SLC27A2: variants seen among roughly 807,000 people sequenced by gnomAD.
The protein encoded by SLC27A2 is solute carrier family 27 member 2, also known as long-chain fatty acid transport protein 2.
A neutral mutation model predicts 60.0 loss-of-function variants in SLC27A2; 54 were observed. The ratio of observed to expected loss-of-function variants is 0.90; its 90% CI spans 0.72 to 1.13. The LOEUF is 1.13. Ranked by LOEUF, SLC27A2 falls within the 50% of genes most tolerant of loss-of-function variation. The pLI, the probability that SLC27A2 is intolerant of heterozygous loss-of-function variation, is 0.00. For synonymous variants in SLC27A2, 297 were observed against 297.6 expected (o/e 1.00, Z 0.02); for missense variants, 739 against 777.6 (o/e 0.95, Z 0.59).
At chr15:50,183,886 C>T (rs1401683055) in intron 1 of SLC27A2, among the ~76,000 whole-genome samples, 4 of 150,286 alleles carry the variant, frequency 2.7e-5, no homozygotes, top group African/African-American at 9.7e-5. Context: ...CGGGAGATAA[C>T]ATATCACTAT....
intron 1 of SLC27A2, among the ~76,000 whole-genome samples, chr15:50,194,295 G>A (rs1362176255): frequency 6.6e-6 from 1 of 152,192 alleles, no homozygotes; most frequent in Non-Finnish European, 1.5e-5. Flanking sequence ...CCTACACTGA[G>A]TCTTGAAGGA....
chr15:50,199,426 C>T lies in SLC27A2; in HGVS notation c.688+1717C>T, dbSNP rs541636444. On this transcript the variant is annotated intron_variant, in intron 2 of 9. Coordinates refer to ENST00000267842, the MANE Select transcript of SLC27A2 (RefSeq NM_003645.4). ...CAGGGAGGCGGAGCTTGCAGTGAGC[C>T]GAGATTGCGCCACTGCACTCCAGCC... Among the ~76,000 whole-genome samples, 12 of 146,656 alleles carry T rather than the reference C, an allele frequency of 8.2e-5. No individual in the cohort carries two copies. In the East Asian group the frequency reaches 1.8e-3, roughly 22 times the overall value.
intron 4 of SLC27A2, among the ~76,000 whole-genome samples, chr15:50,221,587 T>C (rs2045242429): frequency 1.3e-5 from 2 of 152,250 alleles, no homozygotes. Flanking sequence ...ATAGTGCTTT[T>C]CAAAGAGTAA....
chr15:50,189,177 T>C (rs777420227), intron 1 of SLC27A2, among the ~76,000 whole-genome samples: 14 of 152,106 alleles, frequency 9.2e-5, no homozygotes, highest in Non-Finnish European at 1.5e-4. Flanking sequence ...TGAAAAATGA[T>C]GTAACAAAAT....
chr15:50,191,539 T>C (rs933856), intron 1 of SLC27A2, among the ~76,000 whole-genome samples: 92,776 of 151,922 alleles, frequency 0.61, 29,673 homozygotes, highest in East Asian at 0.8. Context: ...GAGGGAGACT[T>C]CTGTTGTGAC....
At chr15:50,201,164 TG>T (rs1888885510) in intron 2 of SLC27A2, among the ~76,000 whole-genome samples, 1 of 152,120 alleles carries the variant, frequency 6.6e-6, no homozygotes, top group South Asian at 2.1e-4. Flanking sequence ...TTTTACTTTT[TG>T]TAGAGGAGGG....
intron 9 of SLC27A2, among the ~76,000 whole-genome samples, chr15:50,235,626 C>A (rs1313763236): frequency 6.6e-6 from 1 of 152,160 alleles, no homozygotes; most frequent in African/African-American, 2.4e-5. Flanking sequence ...CTTGCCCCTA[C>A]CACAAAAATG....
chr15:50,213,991 C>T (rs1201761395), intron 4 of SLC27A2, among the ~76,000 whole-genome samples: 6 of 131,698 alleles, frequency 4.6e-5, no homozygotes, highest in Admixed American at 2.2e-4. Flanking sequence ...TTGAAACAAA[C>T]AAACAAACAA....
At chr15:50,186,235 C>T (rs111705530) in intron 1 of SLC27A2, among the ~76,000 whole-genome samples, 9,953 of 152,094 alleles carry the variant, frequency 0.065, 428 homozygotes, top group Middle Eastern at 0.095. Flanking sequence ...TAGAGTGAGA[C>T]CCTGTCTCAA....
chr15:50,200,075 A>G (rs1444293901), intron 2 of SLC27A2, among the ~76,000 whole-genome samples: 2 of 152,238 alleles, frequency 1.3e-5, no homozygotes, highest in East Asian at 3.8e-4. Context: ...TTAATACAAA[A>G]TCTTAATTTA....
rs546411884 is a variant in SLC27A2, at chr15:50,235,272, C to T, written c.1687-648C>T. 6.6e-5 allele frequency among the ~76,000 whole-genome samples: 10 copies of T among 152,230 alleles called. No individual in the cohort carries two copies. In the South Asian group the frequency reaches 2.1e-3, roughly 32 times the overall value. On this transcript the variant is annotated intron_variant, in intron 9 of 9. Coordinates refer to ENST00000267842, the MANE Select transcript of SLC27A2 (RefSeq NM_003645.4). ...AAATATCCTCAGATATTTTGATTAA[C>T]ACATAATTGAAGGAAAAATCAGTCT...
chr15:50,224,371 C>T (rs1270794466), intron 5 of SLC27A2, among the ~76,000 whole-genome samples: 5 of 151,988 alleles, frequency 3.3e-5, no homozygotes, highest in Non-Finnish European at 7.4e-5. Context: ...ACCCGGGAGG[C>T]GGAGCTTGCA....
In SLC27A2 at chr15:50,226,013, A is replaced by G; in HGVS notation, c.1193A>G (p.Lys398Arg). ...QKKIITYDLI[K>R]YDVEKDEPVR... ...AAAATCATAACTTATGACCTGATTA[A>G]ATATGATGTGGAGAAAGATGAACCT... Residue 398 changes from lysine (K) to arginine (R), a missense_variant, in exon 6 of 10, where the codon AAA (lysine) becomes AGA (arginine). Coordinates refer to ENST00000267842, the MANE Select transcript of SLC27A2 (RefSeq NM_003645.4). 1.9e-6 allele frequency: 3 copies of G among 1,604,842 alleles called. No individual in the cohort carries two copies. Among genetic ancestry groups the G allele is most frequent in the Non-Finnish European group, 2.6e-6 (3 of 1,171,500 alleles).
At chr15:50,217,071 T>A (rs2045203903) in intron 4 of SLC27A2, among the ~76,000 whole-genome samples, 1 of 150,488 alleles carries the variant, frequency 6.6e-6, no homozygotes, top group Non-Finnish European at 1.5e-5. Context: ...ATGAGAATAA[T>A]ACAATAGACT....
At chr15:50,234,083 G>C (rs538959536) in intron 9 of SLC27A2, 85 bp downstream of exon 9, 2 of 1,316,346 alleles carry the variant, frequency 1.5e-6, no homozygotes, top group Non-Finnish European at 2.1e-6. Context: ...CTCCCAGGAT[G>C]ACTACATTTG....
chr15:50,182,910 G>A lies in SLC27A2; in HGVS notation c.478+5G>A. On this transcript the variant is annotated splice_donor_5th_base_variant and intron_variant, in intron 1 of 9. Transcript: ENST00000267842. ...AGGTGCTGCTGGTGTCGCCAGGTGA[G>A]CCCCGAGGATCGCCCTGCCCTGGCA... is the stretch of plus-strand genomic sequence containing the variant. The A allele has an allele frequency of 6.3e-7, 1 of 1,598,000 alleles. No homozygotes were observed. The highest frequency in any genetic ancestry group is 8.5e-7 in the Non-Finnish European group (1 of 1,172,620).
intron 1 of SLC27A2, among the ~76,000 whole-genome samples, chr15:50,191,469 A>C (rs946521417): frequency 1.3e-5 from 2 of 152,182 alleles, no homozygotes; most frequent in African/African-American, 4.8e-5. Flanking sequence ...CCCTTAATTT[A>C]GGAGGTAACT....
intron 1 of SLC27A2, among the ~76,000 whole-genome samples, chr15:50,196,222 A>T (rs970772257): frequency 8.0e-5 from 12 of 149,440 alleles, no homozygotes; most frequent in Non-Finnish European, 1.5e-4. Flanking sequence ...AGTAGCAAGC[A>T]TGAAATGTGG....
In SLC27A2 at chr15:50,228,939, T is replaced by C. The variant is rs1476558088; in HGVS notation, c.1458-6T>C. 1 of 1,607,924 alleles carries C rather than the reference T, an allele frequency of 6.2e-7. No individual in the cohort carries two copies. Among genetic ancestry groups the C allele is most frequent in the African/African-American group, 1.3e-5 (1 of 74,812 alleles). On this transcript the variant is annotated splice_region_variant and splice_polypyrimidine_tract_variant and intron_variant, in intron 7 of 9. Coordinates refer to ENST00000267842, the MANE Select transcript of SLC27A2 (RefSeq NM_003645.4). The stretch of plus-strand genomic sequence containing the variant: ...TGACCTCTGCTAACTTTGTCCTTTC[T>C]TCCAGGTGGAAAGGGGAAAATGTGG...
Sources: gnomAD v4.1 joint callset for allele counts (sites outside exome capture counted in the v4.1 genomes callset) on GRCh38, gnomAD v4.1.1 for gene constraint, MANE v1.5 for transcripts, NCBI Gene and HGNC (gene_info 2026-07-23, HGNC 2026-07-21) for gene names.